The following GRM8 variants were observed in gnomAD, a reference collection of about 807,000 sequenced individuals.
GRM8 encodes glutamate metabotropic receptor 8.
In GRM8, 47 loss-of-function variants were observed where a neutral mutation model predicts 87.2. The observed-to-expected ratio is 0.54, with a 90% CI of 0.43 to 0.69. The LOEUF is 0.69. GRM8 is among the 30% of genes least tolerant of loss of function. The pLI, the probability that GRM8 is intolerant of heterozygous loss-of-function variation, is 0.00. For missense variants in GRM8, 1,019 were observed against 1,139.2 expected, an observed-to-expected ratio of 0.89 and a Z score of 1.52; for synonymous variants, 396 against 404.5, an observed-to-expected ratio of 0.98 and a Z score of 0.25.
rs959649819 is a variant in GRM8 at position 127,252,934 on chromosome 7, G to A, written c.-449C>T. On this transcript the variant is annotated 5_prime_UTR_variant, in exon 1 of 11. Transcript: ENST00000339582. This position sits in a 1 kb window ranked among gnomAD's most constrained non-coding sequence, Gnocchi z 4.9. ...TGTGGCTGATCTCTGGGCTGAGGGG[G>A]CTGAGCTGGCCTAGCAGGCGCCAAG... is the stretch of plus-strand genomic sequence containing the variant. 1.1e-5 allele frequency: 2 copies of A among 176,104 alleles called. No homozygotes were observed. Among genetic ancestry groups the A allele is most frequent in the South Asian group, 1.3e-4 (1 of 7,876 alleles). The allele number at this position is 176,104 out of a possible 1,614,324, so 10.9% of individuals were successfully genotyped here. A position where few individuals can be genotyped will look rare whatever the true frequency, so the allele number is the denominator to read the frequency against.
At chr7:126,510,881 G>A (rs1280500829) in intron 9 of GRM8, among the ~76,000 whole-genome samples, 3 of 152,104 alleles carry the variant, frequency 2.0e-5, no homozygotes, top group Non-Finnish European at 2.9e-5. Context: ...TTAGAAGTAA[G>A]TCTTTAGAGA....
At chr7:126,441,015 A>C (rs1801413642) in intron 10 of GRM8, among the ~76,000 whole-genome samples, 1 of 152,100 alleles carries the variant, frequency 6.6e-6, no homozygotes, top group African/African-American at 2.4e-5. Flanking sequence ...GAACAGATCA[A>C]TTATCTGTCC....
intron 3 of GRM8, among the ~76,000 whole-genome samples, chr7:127,061,873 G>A (rs1054847576): frequency 6.6e-6 from 1 of 152,146 alleles, no homozygotes; most frequent in Non-Finnish European, 1.5e-5. Context: ...CACTATAGGA[G>A]AGCCCCAGAC....
chr7:126,903,697 A>ATATATATATGTATATGTG (rs1802365875), intron 5 of GRM8, among the ~76,000 whole-genome samples: 4 of 141,630 alleles, frequency 2.8e-5, no homozygotes, highest in African/African-American at 1.1e-4. Flanking sequence ...GTATATGTGT[A>ATATATATATGTATATGTG]TATATATATG....
At chr7:126,793,395 A>G (rs935702978) in intron 6 of GRM8, among the ~76,000 whole-genome samples, 2 of 152,188 alleles carry the variant, frequency 1.3e-5, no homozygotes. Flanking sequence ...ACTTATCAGC[A>G]CAGGCCACTT....
chr7:126,616,922 T>C (rs1451530214), intron 7 of GRM8, among the ~76,000 whole-genome samples: 1 of 152,128 alleles, frequency 6.6e-6, no homozygotes, highest in East Asian at 1.9e-4. Context: ...ACCAGACGGA[T>C]TCAGAGCCAA....
At chr7:126,456,968 C>T (rs1248288497) in intron 9 of GRM8, among the ~76,000 whole-genome samples, 1 of 151,500 alleles carries the variant, frequency 6.6e-6, no homozygotes, top group Non-Finnish European at 1.5e-5. Flanking sequence ...AATGGTGCCA[C>T]AGATGATCAG....
intron 6 of GRM8, among the ~76,000 whole-genome samples, chr7:126,775,487 T>G (rs1406249576): frequency 1.7e-5 from 1 of 59,984 alleles, no homozygotes; most frequent in South Asian, 5.6e-4. Flanking sequence ...AGGTTTTTTT[T>G]TTTTTTTTTT....
At chr7:126,789,302 A>T (rs1821011186) in intron 6 of GRM8, among the ~76,000 whole-genome samples, 1 of 151,146 alleles carries the variant, frequency 6.6e-6, no homozygotes, top group Admixed American at 6.6e-5. Flanking sequence ...CAACAAAGGC[A>T]TTTTTTTTTC....
At chr7:127,165,385 G>A (rs1254108271) in intron 2 of GRM8, among the ~76,000 whole-genome samples, 3 of 151,292 alleles carry the variant, frequency 2.0e-5, no homozygotes, top group African/African-American at 7.3e-5. Context: ...TATATCAAAA[G>A]CTTTCAAATA....
intron 8 of GRM8, among the ~76,000 whole-genome samples, chr7:126,582,971 T>C (rs1296171457): frequency 6.6e-6 from 1 of 152,184 alleles, no homozygotes; most frequent in Non-Finnish European, 1.5e-5. Flanking sequence ...TATAGAGAGA[T>C]CAATGTTGTT....
chr7:127,114,797 C>G (rs968385590), intron 2 of GRM8, among the ~76,000 whole-genome samples: 1 of 152,024 alleles, frequency 6.6e-6, no homozygotes, highest in African/African-American at 2.4e-5. Context: ...TTGAATAGAC[C>G]ATTGAATTGT....
chr7:127,029,995 C>T (rs1285057481), intron 3 of GRM8, among the ~76,000 whole-genome samples: 3 of 152,030 alleles, frequency 2.0e-5, no homozygotes, highest in African/African-American at 4.8e-5. Context: ...ATGTGCCTGG[C>T]GAATAAAAGG....
intron 2 of GRM8, among the ~76,000 whole-genome samples, chr7:127,200,745 T>C (rs980849149): frequency 2.0e-5 from 3 of 152,246 alleles, no homozygotes; most frequent in Non-Finnish European, 4.4e-5. Flanking sequence ...TCTCTTCTTA[T>C]AAAGACATGA....
chr7:126,595,472 G>T, intron 8 of GRM8, among the ~76,000 whole-genome samples: 1 of 149,532 alleles, frequency 6.7e-6, no homozygotes, highest in Admixed American at 6.7e-5. Flanking sequence ...TTGTCATGTT[G>T]CCCGGGCTGG....
At position 126,545,415 on chromosome 7, in the gene GRM8, G is replaced by T. The variant is rs12531733; in HGVS notation, c.1495-11528C>A. 3.7e-3 allele frequency among the ~76,000 whole-genome samples: 557 copies of T among 152,184 alleles called. 4 individuals are homozygous for T. Among genetic ancestry groups the T allele is most frequent in the Non-Finnish European group, 6.5e-3 (441 of 67,990 alleles). Reference sequence around the variant, plus strand: ...CACAGAGTGACCATTTTTAATTGAAGCCATTGAGTTATGTTTTTGTTACTA... The same window carrying T: ...CACAGAGTGACCATTTTTAATTGAATCCATTGAGTTATGTTTTTGTTACTA... On this transcript the variant is annotated intron_variant, in intron 8 of 10. Transcript: ENST00000339582.
At chr7:126,677,396 G>A (rs190947433) in intron 7 of GRM8, among the ~76,000 whole-genome samples, 1 of 148,282 alleles carries the variant, frequency 6.7e-6, no homozygotes, top group Non-Finnish European at 1.5e-5. Context: ...AAAGACACCT[G>A]CACGCATATA....
At chr7:127,040,020 GTGA>G (rs1563441851) in intron 3 of GRM8, among the ~76,000 whole-genome samples, 2 of 54,832 alleles carry the variant, frequency 3.6e-5, no homozygotes, top group Non-Finnish European at 3.9e-5. Flanking sequence ...GGAGGGGAGG[GTGA>G]GGAGGGAGGG....
intron 7 of GRM8, among the ~76,000 whole-genome samples, chr7:126,748,958 C>T (rs1816055722): frequency 6.6e-6 from 1 of 151,926 alleles, no homozygotes; most frequent in Non-Finnish European, 1.5e-5. Context: ...CAAGCTTCAC[C>T]TCTTATCATA....
Sources: gnomAD v4.1 joint callset for allele counts (sites outside exome capture counted in the v4.1 genomes callset) on GRCh38, gnomAD v4.1.1 for gene constraint, Gnocchi (gnomAD v3.1) non-coding constraint, MANE v1.5 for transcripts, NCBI Gene and HGNC (gene_info 2026-07-23, HGNC 2026-07-21) for gene names.